The following OPCML variants were observed in gnomAD, a reference collection of about 807,000 sequenced individuals.
The protein encoded by OPCML is opioid-binding protein/cell adhesion molecule.
OPCML carries 13 observed loss-of-function variants against 37.8 expected under a neutral mutation model. The observed-to-expected ratio is 0.34, with a 90% CI of 0.22 to 0.55. The LOEUF (loss-of-function observed/expected upper bound fraction) is 0.55, where lower values mean the gene tolerates loss of function less well. Among genes scored for constraint, OPCML ranks in the 20% least tolerant of loss-of-function variants. The pLI is 0.91. For missense variants in OPCML, 341 were observed against 435.6 expected, an observed-to-expected ratio of 0.78 and a Z score of 1.93; for synonymous variants, 176 against 168.8, an observed-to-expected ratio of 1.04 and a Z score of -0.33.
chr11:132,499,841 A>G (rs978001127), intron 4 of OPCML, among the ~76,000 whole-genome samples: 4 of 152,218 alleles, frequency 2.6e-5, no homozygotes, highest in Non-Finnish European at 5.9e-5. Context: ...ACATCACGGT[A>G]TGTTCTGCCA....
At chr11:133,391,973 T>A (rs80029844) in intron 1 of OPCML, among the ~76,000 whole-genome samples, 15,511 of 152,088 alleles carry the variant, frequency 0.1, 871 homozygotes, top group East Asian at 0.14. Context: ...GATAACCCAG[T>A]GCCAAAGTCC....
chr11:133,062,517 A>T (rs898190229), intron 1 of OPCML, among the ~76,000 whole-genome samples: 2 of 152,220 alleles, frequency 1.3e-5, no homozygotes, highest in Non-Finnish European at 2.9e-5. Flanking sequence ...CTCATAAAAC[A>T]TTAGTTTCCA....
chr11:132,736,628 T>G (rs2136025655), intron 2 of OPCML, among the ~76,000 whole-genome samples: 1 of 152,336 alleles, frequency 6.6e-6, no homozygotes, highest in African/African-American at 2.4e-5. Flanking sequence ...TACCATGATC[T>G]CTTTCTTAGA....
At chr11:132,469,408 G>T (rs1050307376) in intron 4 of OPCML, among the ~76,000 whole-genome samples, 1 of 151,572 alleles carries the variant, frequency 6.6e-6, no homozygotes, top group Admixed American at 6.6e-5. Context: ...TTTGTGTGTG[G>T]GGGTGCGTGT....
rs549679642 is a variant in OPCML at position 132,949,584 on chromosome 11, G to A, written c.62-6574C>T. Among the ~76,000 whole-genome samples, 5 of 152,220 alleles carry A rather than the reference G, an allele frequency of 3.3e-5. No individual in the cohort carries two copies. The East Asian group carries it at 5.8e-4, about 18-fold the overall frequency. On this transcript the variant is annotated intron_variant, in intron 1 of 7. Coordinates refer to ENST00000524381, the MANE Select transcript of OPCML (RefSeq NM_001012393.5). ...CATTATCTGCCTTATAGTCTTTGAC[G>A]GATCAGTCTCACACAGAGGGTGATA...
intron 2 of OPCML, among the ~76,000 whole-genome samples, chr11:132,679,723 C>A (rs954954506): frequency 2.0e-5 from 3 of 152,180 alleles, no homozygotes; most frequent in Non-Finnish European, 2.9e-5. Flanking sequence ...ACAAGGTGCA[C>A]ACTTTAAATG....
Position 132,847,796 on chromosome 11 carries a change from T to C in OPCML, c.146+95130A>G, listed in dbSNP as rs564364182. Among the ~76,000 whole-genome samples the C allele has an allele frequency of 2.0e-5, 3 of 152,384 alleles. No homozygotes were observed. The South Asian group carries it at 6.2e-4, about 32-fold the overall frequency. On this transcript the variant is annotated intron_variant, in intron 2 of 7. Transcript: ENST00000524381. ...TCTCCTTTCATTTGTTGGTGCTACTTCTTTTCTTGTTGCTGGAGATTTGTT... is the reference window on the plus strand; with the variant it reads ...TCTCCTTTCATTTGTTGGTGCTACTCCTTTTCTTGTTGCTGGAGATTTGTT...
At chr11:132,747,406 G>T (rs1945668765) in intron 2 of OPCML, among the ~76,000 whole-genome samples, 1 of 152,186 alleles carries the variant, frequency 6.6e-6, no homozygotes, top group Non-Finnish European at 1.5e-5. Context: ...AAACAGATGT[G>T]AACGAAAGAT....
chr11:133,105,824 A>G (rs1331495188), intron 1 of OPCML, among the ~76,000 whole-genome samples: 1 of 152,080 alleles, frequency 6.6e-6, no homozygotes, highest in Non-Finnish European at 1.5e-5. Context: ...CTACTAAAAA[A>G]TACAAAAATT....
intron 3 of OPCML, among the ~76,000 whole-genome samples, chr11:132,639,594 T>C (rs1940725621): frequency 6.6e-6 from 1 of 152,222 alleles, no homozygotes; most frequent in East Asian, 1.9e-4. Flanking sequence ...ACTGGCACTT[T>C]ACATAATCCT....
intron 2 of OPCML, among the ~76,000 whole-genome samples, chr11:132,781,171 G>T (rs555168720): frequency 6.6e-6 from 1 of 152,154 alleles, no homozygotes; most frequent in Non-Finnish European, 1.5e-5. Flanking sequence ...CCAGACATTT[G>T]GTCAACCGTT....
chr11:133,414,503 A>G (rs1945718674), intron 1 of OPCML, among the ~76,000 whole-genome samples: 1 of 152,188 alleles, frequency 6.6e-6, no homozygotes, highest in South Asian at 2.1e-4. Context: ...AGCTATAGAC[A>G]TAAATCCTGG....
At chr11:133,068,917 G>A (rs1353851290) in intron 1 of OPCML, among the ~76,000 whole-genome samples, 2 of 152,162 alleles carry the variant, frequency 1.3e-5, no homozygotes, top group Non-Finnish European at 2.9e-5. Context: ...TAAAGCAAGT[G>A]ACTAGCTTAA....
In OPCML at chr11:133,418,718, G is replaced by C. The variant is rs141721326; in HGVS notation, c.61+113546C>G. ...TTGTAAAATTAATGAAAGGCCACCA[G>C]TTTAGAGTTATGAGAGGGGCATGAA... On this transcript the variant is annotated intron_variant, in intron 1 of 7. Transcript: ENST00000524381. 2.7e-4 allele frequency among the ~76,000 whole-genome samples: 41 copies of C among 152,280 alleles called. No homozygotes were observed. The East Asian group carries it at 7.5e-3, about 28-fold the overall frequency.
intron 3 of OPCML, among the ~76,000 whole-genome samples, chr11:132,553,184 A>G (rs1591541035): frequency 6.6e-6 from 1 of 152,232 alleles, no homozygotes; most frequent in Non-Finnish European, 1.5e-5. Context: ...AGCATCAGTC[A>G]TCTCCCATAA....
intron 1 of OPCML, among the ~76,000 whole-genome samples, chr11:133,192,394 C>G (rs1938360887): frequency 6.6e-6 from 1 of 152,138 alleles, no homozygotes; most frequent in South Asian, 2.1e-4. Context: ...GGAAGAGAAA[C>G]AGATCTAAGT....
At chr11:133,043,794 A>G in intron 1 of OPCML, among the ~76,000 whole-genome samples, 1 of 152,272 alleles carries the variant, frequency 6.6e-6, no homozygotes, top group East Asian at 1.9e-4. Flanking sequence ...AATCGTTCAT[A>G]GCAGATAGAT....
At chr11:133,182,856 C>T (rs1480573646) in intron 1 of OPCML, among the ~76,000 whole-genome samples, 1 of 152,114 alleles carries the variant, frequency 6.6e-6, no homozygotes, top group Admixed American at 6.5e-5. Context: ...TCATAGATGC[C>T]TGTTCTCTCA....
At chr11:132,650,013 G>T (rs59623452) in intron 3 of OPCML, among the ~76,000 whole-genome samples, 5,547 of 152,026 alleles carry the variant, frequency 0.036, 252 homozygotes, top group African/African-American at 0.1. Context: ...TTTATAGGTT[G>T]TATGGCTCTT....
Sources: allele counts gnomAD v4.1 joint callset (sites outside exome capture counted in the v4.1 genomes callset), GRCh38; gene constraint gnomAD v4.1.1; transcripts MANE v1.5; gene names NCBI Gene and HGNC (gene_info 2026-07-23, HGNC 2026-07-21).